DOCK1: variants seen among roughly 807,000 people sequenced by gnomAD.
DOCK1 encodes the protein dedicator of cytokinesis protein 1.
A neutral mutation model predicts 262.7 loss-of-function variants in DOCK1; 138 were observed. The ratio of observed to expected loss-of-function variants is 0.53; its 90% CI spans 0.46 to 0.61. The LOEUF is 0.61. Ranked by LOEUF, DOCK1 falls within the 20% of genes least tolerant of loss-of-function variation. The probability of loss-of-function intolerance (pLI) is 0.00; values close to 1 mark genes in which losing one functional copy is unlikely to be tolerated. For synonymous variants in DOCK1, 866 were observed against 867.4 expected (o/e 1.00, Z 0.03); for missense variants, 1,908 against 2,370.7 (o/e 0.80, Z 4.05).
intron 29 of DOCK1, among the ~76,000 whole-genome samples, chr10:127,267,945 A>G (rs1328720454): frequency 1.3e-5 from 2 of 152,282 alleles, no homozygotes; most frequent in East Asian, 3.9e-4. Flanking sequence ...CAGGCTTGCC[A>G]GGCTGTGTCT....
At chr10:127,332,939 G>A (rs1564999236) in intron 29 of DOCK1, among the ~76,000 whole-genome samples, 1 of 152,104 alleles carries the variant, frequency 6.6e-6, no homozygotes, top group Non-Finnish European at 1.5e-5. Context: ...ACCTCAACTT[G>A]CCTCTTCCCA....
At chr10:127,429,208 G>A (rs569083895) in intron 47 of DOCK1, among the ~76,000 whole-genome samples, 4 of 152,182 alleles carry the variant, frequency 2.6e-5, no homozygotes, top group South Asian at 2.1e-4. Context: ...GGGTCACCCC[G>A]TCTAGGGGGT....
At chr10:127,361,458 C>T (rs991615468) in intron 32 of DOCK1, among the ~76,000 whole-genome samples, 4 of 152,186 alleles carry the variant, frequency 2.6e-5, no homozygotes, top group Non-Finnish European at 5.9e-5. Flanking sequence ...AACAATAGCT[C>T]GAAAAGGTAG....
chr10:127,335,052 C>G (rs2063135242), intron 29 of DOCK1, among the ~76,000 whole-genome samples: 1 of 152,244 alleles, frequency 6.6e-6, no homozygotes, highest in Non-Finnish European at 1.5e-5. Context: ...TCTGAGCCAG[C>G]TCTTTCATCC....
chr10:126,984,534 T>C (rs1158321775), intron 4 of DOCK1, among the ~76,000 whole-genome samples: 1 of 146,434 alleles, frequency 6.8e-6, no homozygotes, highest in Non-Finnish European at 1.5e-5. Context: ...TGTGTGTGTG[T>C]GTTTTTTTTT....
intron 25 of DOCK1, among the ~76,000 whole-genome samples, chr10:127,116,277 C>A (rs894479919): frequency 6.6e-6 from 1 of 152,152 alleles, no homozygotes; most frequent in Non-Finnish European, 1.5e-5. Flanking sequence ...CATTTGCTTT[C>A]ATTTTTGAGC....
intron 1 of DOCK1, among the ~76,000 whole-genome samples, chr10:126,914,141 C>T (rs530149768): frequency 1.3e-5 from 2 of 152,214 alleles, no homozygotes; most frequent in Non-Finnish European, 2.9e-5. Context: ...TCTGTAGCCC[C>T]TGCCTGTTGC....
chr10:127,011,632 CTG>C (rs1313881136), intron 11 of DOCK1, among the ~76,000 whole-genome samples: 1 of 152,160 alleles, frequency 6.6e-6, no homozygotes, highest in African/African-American at 2.4e-5. Flanking sequence ...CGTGGGTGGT[CTG>C]TGTTCATAAC....
In DOCK1 at chr10:127,141,079, C is replaced by T. The variant is rs11016438; in HGVS notation, c.2847+13315C>T. ...CTTCATGATTATCACTTTCTCCCCA[C>T]CTGAAACGCCTTTCTGGGCTCATGG... On this transcript the variant is annotated intron_variant, in intron 27 of 51. Transcript: ENST00000623213. Among the ~76,000 whole-genome samples the T allele has an allele frequency of 6.6e-3, 999 of 152,310 alleles. 4 individuals carry two copies. Among genetic ancestry groups the T allele is most frequent in the Admixed American group, 0.012 (177 of 15,306 alleles).
chr10:127,048,849 A>G (rs1442070507), intron 21 of DOCK1, among the ~76,000 whole-genome samples: 2 of 152,210 alleles, frequency 1.3e-5, no homozygotes, highest in East Asian at 1.9e-4. Flanking sequence ...CTAGGAATAG[A>G]TGGGAAGTTC....
intron 31 of DOCK1, among the ~76,000 whole-genome samples, chr10:127,351,005 A>G (rs1590631806): frequency 6.6e-6 from 1 of 152,256 alleles, no homozygotes; most frequent in Non-Finnish European, 1.5e-5. Context: ...AGAGTGGTCA[A>G]GTAAATTGCC....
intron 1 of DOCK1, among the ~76,000 whole-genome samples, chr10:126,948,541 T>G (rs2035824119): frequency 6.6e-6 from 1 of 151,888 alleles, no homozygotes; most frequent in Non-Finnish European, 1.5e-5. Context: ...TGGATGAACC[T>G]CTTTTTTACG....
chr10:127,313,823 C>T (rs904390154), intron 29 of DOCK1, among the ~76,000 whole-genome samples: 7 of 152,116 alleles, frequency 4.6e-5, no homozygotes, highest in African/African-American at 1.4e-4. Flanking sequence ...GAACTACAGC[C>T]CCTCGAGGGG....
intron 1 of DOCK1, among the ~76,000 whole-genome samples, chr10:126,915,201 C>T (rs762799116): frequency 2.0e-5 from 3 of 152,200 alleles, no homozygotes; most frequent in Admixed American, 6.5e-5. Flanking sequence ...GCTTCATTGG[C>T]GTTGAGCATA....
chr10:126,969,573 C>T (rs1401312757), intron 1 of DOCK1, among the ~76,000 whole-genome samples: 1 of 152,138 alleles, frequency 6.6e-6, no homozygotes, highest in Non-Finnish European at 1.5e-5. Context: ...GGAAGCTTTG[C>T]GTGGTGCCAG....
intron 23 of DOCK1, among the ~76,000 whole-genome samples, chr10:127,079,643 ATT>A (rs1564787675): frequency 2.6e-5 from 4 of 152,218 alleles, no homozygotes; most frequent in African/African-American, 9.6e-5. Flanking sequence ...GTAAAAGTCT[ATT>A]CCTGGCAGGG....
chr10:127,370,344 C>T (rs1340057450), intron 33 of DOCK1, among the ~76,000 whole-genome samples: 6 of 152,158 alleles, frequency 3.9e-5, no homozygotes, highest in African/African-American at 7.2e-5. Context: ...TTGATAACCT[C>T]GGAGCCCTCC....
intron 23 of DOCK1, among the ~76,000 whole-genome samples, chr10:127,071,616 T>G (rs1290112711): frequency 6.6e-6 from 1 of 152,216 alleles, no homozygotes; most frequent in African/African-American, 2.4e-5. Flanking sequence ...CACAACACCT[T>G]TCCATTATTA....
chr10:126,935,978 A>C (rs1186960390), intron 1 of DOCK1, among the ~76,000 whole-genome samples: 8 of 152,236 alleles, frequency 5.3e-5, no homozygotes, highest in African/African-American at 1.7e-4. Context: ...TCTGGAAAAC[A>C]GTGGCATTTT....
Sources: gnomAD v4.1 joint callset for allele counts (sites outside exome capture counted in the v4.1 genomes callset) on GRCh38, gnomAD v4.1.1 for gene constraint, MANE v1.5 for transcripts, NCBI Gene and HGNC (gene_info 2026-07-23, HGNC 2026-07-21) for gene names.